The following CDH11 variants were observed in gnomAD, a reference collection of about 807,000 sequenced individuals.
CDH11 encodes the protein cadherin 11.
Under a neutral mutation model 67.8 loss-of-function variants are expected in CDH11, and 11 were observed. That is an observed-to-expected ratio of 0.16 (90% CI 0.10 to 0.27). The LOEUF (loss-of-function observed/expected upper bound fraction) is 0.27, where lower values mean the gene tolerates loss of function less well. CDH11 is among the 10% of genes least tolerant of loss of function. CDH11 has a pLI of 1.00. For missense variants in CDH11, 847 were observed against 1,031.2 expected (o/e 0.82, Z 2.45); for synonymous variants, 419 against 400.0 (o/e 1.05, Z -0.57).
intron 1 of CDH11, among the ~76,000 whole-genome samples, chr16:65,064,528 G>C (rs941953710): frequency 6.6e-6 from 1 of 152,202 alleles, no homozygotes; most frequent in Non-Finnish European, 1.5e-5. Flanking sequence ...CTGGCCTTCA[G>C]AGACAATAAA....
chr16:65,114,807 G>A (rs2075215481), intron 1 of CDH11, among the ~76,000 whole-genome samples: 1 of 152,180 alleles, frequency 6.6e-6, no homozygotes, highest in South Asian at 2.1e-4. Flanking sequence ...CAGGGCTTAA[G>A]AGAGGGTGAG....
chr16:65,044,989 T>TG (rs1308476533), intron 2 of CDH11, among the ~76,000 whole-genome samples: 1 of 151,918 alleles, frequency 6.6e-6, no homozygotes, highest in African/African-American at 2.4e-5. Flanking sequence ...GGGGCTTGTG[T>TG]GGGCACCGGT....
chr16:64,971,072 C>T (rs2071990743), intron 11 of CDH11, among the ~76,000 whole-genome samples: 2 of 152,174 alleles, frequency 1.3e-5, no homozygotes, highest in South Asian at 2.1e-4. Flanking sequence ...AATGGACAAA[C>T]AATGCTTTGT....
At chr16:65,105,841 T>A (rs527528355) in intron 1 of CDH11, among the ~76,000 whole-genome samples, 1 of 152,318 alleles carries the variant, frequency 6.6e-6, no homozygotes, top group South Asian at 2.1e-4. Context: ...ATACTATAGA[T>A]AATATCAATA....
In CDH11 at chr16:64,945,301, T is replaced by TAAAAAAAAAAAAAAAAG. The variant is rs2071175324; in HGVS notation, c.*2301_*2302insCTTTTTTTTTTTTTTTT. On this transcript the variant is annotated 3_prime_UTR_variant, in exon 13 of 13. Transcript: ENST00000268603. ...AGAGGCTTAACGAAAAAATAAAAGG[T>TAAAAAAAAAAAAAAAAG]AAAAAAAAAAAAAAAAAAGAAAAAG... 34 of 371,832 alleles carry TAAAAAAAAAAAAAAAAG rather than the reference T, an allele frequency of 9.1e-5. No homozygotes were observed. Among genetic ancestry groups the TAAAAAAAAAAAAAAAAG allele is most frequent in the African/African-American group, 2.8e-4 (11 of 39,576 alleles). 23.0% of individuals were successfully genotyped at this position (371,832 alleles called of 1,614,324 possible). A position where few individuals can be genotyped will look rare whatever the true frequency, so the allele number is the denominator to read the frequency against.
chr16:65,091,787 G>A (rs1567573391), intron 1 of CDH11, among the ~76,000 whole-genome samples: 2 of 151,746 alleles, frequency 1.3e-5, no homozygotes, highest in East Asian at 1.9e-4. Context: ...TCCCAACCTC[G>A]TGATCCACCC....
intron 12 of CDH11, chr16:64,948,671 C>T: frequency 2.5e-6 from 4 of 1,609,896 alleles, no homozygotes; most frequent in Non-Finnish European, 3.4e-6. Context: ...ATAAAGACCC[C>T]CAGAAGACAA....
chr16:65,050,455 C>CAGAG (rs1159437726), intron 2 of CDH11, among the ~76,000 whole-genome samples: 2 of 152,190 alleles, frequency 1.3e-5, no homozygotes, highest in Admixed American at 6.5e-5. Flanking sequence ...GCCTTTGTGG[C>CAGAG]ATGTCATAGG....
Position 64,945,301 on chromosome 16 carries a change from TAAAA to T in CDH11, c.*2298_*2301del, listed in dbSNP as rs3046001. 5,060 of 383,390 alleles carry T rather than the reference TAAAA, an allele frequency of 0.013. No homozygotes were observed. Among genetic ancestry groups the T allele is most frequent in the Middle Eastern group, 0.019 (16 of 848 alleles). The allele number at this position is 383,390 out of a possible 1,614,324, so 23.7% of individuals were successfully genotyped here. On this transcript the variant is annotated 3_prime_UTR_variant, in exon 13 of 13. Coordinates refer to ENST00000268603, the MANE Select transcript of CDH11 (RefSeq NM_001797.4). ...AGAGGCTTAACGAAAAAATAAAAGG[TAAAA>T]AAAAAAAAAAAAAAGAAAAAGAAAA...
intron 2 of CDH11, among the ~76,000 whole-genome samples, chr16:65,010,960 T>C (rs1008180580): frequency 1.5e-5 from 2 of 130,838 alleles, no homozygotes; most frequent in Non-Finnish European, 1.7e-5. Context: ...GACATATATA[T>C]ATATATGTGT....
chr16:64,964,687 T>C (rs1172142131), intron 11 of CDH11, among the ~76,000 whole-genome samples: 1 of 152,080 alleles, frequency 6.6e-6, no homozygotes, highest in Non-Finnish European at 1.5e-5. Flanking sequence ...TAGCTGGGAC[T>C]ACAGGCACCC....
At chr16:64,970,129 A>G (rs1415076468) in intron 11 of CDH11, among the ~76,000 whole-genome samples, 1 of 152,120 alleles carries the variant, frequency 6.6e-6, no homozygotes. Context: ...CTTCCTTCAC[A>G]CTTCAGTTCT....
chr16:65,118,318 G>T (rs1252436104), intron 1 of CDH11, among the ~76,000 whole-genome samples: 2 of 152,124 alleles, frequency 1.3e-5, no homozygotes, highest in African/African-American at 4.8e-5. Flanking sequence ...GGGAGGCTGC[G>T]GATGGCTATC....
chr16:65,080,950 G>A (rs1255742133), intron 1 of CDH11, among the ~76,000 whole-genome samples: 6 of 152,028 alleles, frequency 3.9e-5, no homozygotes, highest in South Asian at 4.1e-4. Flanking sequence ...GGTAGTGCCC[G>A]AAATATCATC....
At chr16:64,995,229 G>GA (rs59374488) in intron 4 of CDH11, among the ~76,000 whole-genome samples, 22,663 of 150,182 alleles carry the variant, frequency 0.15, 2,258 homozygotes, top group East Asian at 0.43. Context: ...CACAGAATTA[G>GA]AAAAAAAAAC....
chr16:65,016,125 C>G (rs2073301614), intron 2 of CDH11, among the ~76,000 whole-genome samples: 1 of 152,186 alleles, frequency 6.6e-6, no homozygotes, highest in Non-Finnish European at 1.5e-5. Flanking sequence ...TAAGATTAGA[C>G]TAAACTCTGC....
intron 11 of CDH11, among the ~76,000 whole-genome samples, chr16:64,962,200 A>G (rs549057494): frequency 2.0e-5 from 3 of 152,226 alleles, no homozygotes. Context: ...AAATTAAAAC[A>G]GTTATAACTT....
chr16:65,082,510 T>G (rs1555526660), intron 1 of CDH11, among the ~76,000 whole-genome samples: 5 of 152,178 alleles, frequency 3.3e-5, no homozygotes, highest in Non-Finnish European at 1.5e-5. Flanking sequence ...CAGGGCTCTC[T>G]CTGACTGGTC....
chr16:64,945,772 TTGACTA>T lies in CDH11; in HGVS notation c.*1825_*1830del, dbSNP rs1277408727. 2 of 1,043,812 alleles carry T rather than the reference TTGACTA, an allele frequency of 1.9e-6. No homozygotes were observed. The highest frequency in any genetic ancestry group is 3.3e-5 in the African/African-American group (2 of 59,910). 64.7% of individuals were successfully genotyped at this position (1,043,812 alleles called of 1,614,324 possible). On this transcript the variant is annotated 3_prime_UTR_variant, in exon 13 of 13. Transcript: ENST00000268603. ...TAAAAAACATTTCTTTGTATGCATG[TTGACTA>T]AATCATAAAAATAGTACATAACATG...
Sources: gnomAD v4.1 joint callset for allele counts (sites outside exome capture counted in the v4.1 genomes callset) on GRCh38, gnomAD v4.1.1 for gene constraint, MANE v1.5 for transcripts, NCBI Gene and HGNC (gene_info 2026-07-23, HGNC 2026-07-21) for gene names.